The following CSMD1 variants were observed in gnomAD, a reference collection of about 807,000 sequenced individuals.
CSMD1 encodes the protein CUB and sushi domain-containing protein 1.
Under a neutral mutation model 417.5 loss-of-function variants are expected in CSMD1, and 213 were observed. That is an observed-to-expected ratio of 0.51 (90% CI 0.46 to 0.57). The LOEUF (loss-of-function observed/expected upper bound fraction) is 0.57. CSMD1 is among the 20% of genes least tolerant of loss of function. The pLI is 0.00. For synonymous variants in CSMD1, 2,862 were observed against 1,736.8 expected (o/e 1.65, Z -16.11); for missense variants, 6,923 against 4,529.7 (o/e 1.53, Z -15.17).
chr8:4,623,753 T>G (rs1246915528), intron 2 of CSMD1, among the ~76,000 whole-genome samples: 1 of 151,988 alleles, frequency 6.6e-6, no homozygotes, highest in Non-Finnish European at 1.5e-5. Context: ...ATATATATAT[T>G]TCATATAATT....
chr8:4,491,181 G>A (rs947222110), intron 2 of CSMD1, among the ~76,000 whole-genome samples: 1 of 151,912 alleles, frequency 6.6e-6, no homozygotes, highest in Admixed American at 6.6e-5. Context: ...ATCTGTACAT[G>A]TACTGCTGAA....
chr8:3,524,721 C>A (rs1235283343), intron 10 of CSMD1, among the ~76,000 whole-genome samples: 1 of 143,746 alleles, frequency 7.0e-6, no homozygotes, highest in Non-Finnish European at 1.5e-5. Flanking sequence ...CACATACATG[C>A]ACACACACAC....
chr8:3,575,109 T>C (rs1800096366), intron 9 of CSMD1, 43 bp from the exon 10 acceptor site: 1 of 1,602,634 alleles, frequency 6.2e-7, no homozygotes, highest in African/African-American at 1.3e-5. Flanking sequence ...CAACATTGTG[T>C]CAGTTTGGTA....
chr8:4,622,577 C>T (rs535328683), intron 2 of CSMD1, among the ~76,000 whole-genome samples: 24 of 152,070 alleles, frequency 1.6e-4, no homozygotes, highest in Admixed American at 8.5e-4. Context: ...CTGGCAAACG[C>T]GACATGTGTA....
intron 2 of CSMD1, among the ~76,000 whole-genome samples, chr8:4,545,816 C>T (rs1184885381): frequency 6.6e-6 from 1 of 152,242 alleles, no homozygotes; most frequent in Non-Finnish European, 1.5e-5. Context: ...ACTAGCTCAT[C>T]ATCTAGGCCA....
intron 2 of CSMD1, among the ~76,000 whole-genome samples, chr8:4,629,067 G>C (rs1027973486): frequency 6.6e-6 from 1 of 152,094 alleles, no homozygotes; most frequent in African/African-American, 2.4e-5. Context: ...GAGAGTTATT[G>C]ATAGTCTACA....
chr8:3,612,478 C>G (rs769376830), intron 8 of CSMD1, among the ~76,000 whole-genome samples: 2 of 152,120 alleles, frequency 1.3e-5, no homozygotes, highest in South Asian at 2.1e-4. Context: ...TTATGGAACA[C>G]TTCACCCAAC....
At chr8:3,339,235 G>A (rs578238678) in intron 23 of CSMD1, among the ~76,000 whole-genome samples, 16 of 152,074 alleles carry the variant, frequency 1.1e-4, no homozygotes, top group African/African-American at 3.9e-4. Context: ...CAGCCTTTCA[G>A]TGTTTCTTTG....
At chr8:4,132,870 T>C (rs552411606) in intron 3 of CSMD1, among the ~76,000 whole-genome samples, 1 of 152,330 alleles carries the variant, frequency 6.6e-6, no homozygotes, top group South Asian at 2.1e-4. Flanking sequence ...ATATGAAATT[T>C]ATTCTATTTC....
intron 26 of CSMD1, among the ~76,000 whole-genome samples, chr8:3,246,567 G>T (rs1457660222): frequency 1.3e-5 from 2 of 152,154 alleles, no homozygotes; most frequent in African/African-American, 2.4e-5. Flanking sequence ...CACCTCCCGT[G>T]TTCAAGGGAT....
chr8:4,562,387 C>T (rs961906318), intron 2 of CSMD1, among the ~76,000 whole-genome samples: 2 of 152,138 alleles, frequency 1.3e-5, no homozygotes, highest in African/African-American at 4.8e-5. Flanking sequence ...AGGCATGAAC[C>T]TAGCCCTCAA....
rs568310209 is a variant in CSMD1 at position 3,822,511 on chromosome 8, A to T, written c.819-68469T>A. 3.6e-4 allele frequency among the ~76,000 whole-genome samples: 55 copies of T among 152,352 alleles called. 2 individuals are homozygous for T. In the South Asian group the frequency reaches 0.011, roughly 31 times the overall value. On this transcript the variant is annotated intron_variant, in intron 5 of 69. Coordinates refer to ENST00000635120, the MANE Select transcript of CSMD1 (RefSeq NM_033225.6). ...GACAAGAGCTGCTAGGTACTCATGC[A>T]CAGCAAAGTTAATTAATGTCTTCCC... is the stretch of plus-strand genomic sequence containing the variant.
chr8:3,620,127 G>C (rs982789054), intron 7 of CSMD1, among the ~76,000 whole-genome samples: 10 of 151,956 alleles, frequency 6.6e-5, no homozygotes, highest in African/African-American at 2.4e-4. Context: ...GAAAAGAAAA[G>C]AAAAGCAATG....
intron 3 of CSMD1, among the ~76,000 whole-genome samples, chr8:4,301,093 C>A (rs143827446): frequency 2.0e-5 from 3 of 152,202 alleles, no homozygotes; most frequent in African/African-American, 4.8e-5. Context: ...CTAATGAGTT[C>A]CCATTGAAAC....
intron 3 of CSMD1, among the ~76,000 whole-genome samples, chr8:4,148,805 G>C (rs564012489): frequency 6.6e-6 from 1 of 152,270 alleles, no homozygotes; most frequent in East Asian, 1.9e-4. Flanking sequence ...ATTGGGAAGG[G>C]ATGTCATGAT....
chr8:3,316,987 G>A (rs955241145), intron 23 of CSMD1, among the ~76,000 whole-genome samples: 17 of 152,144 alleles, frequency 1.1e-4, no homozygotes, highest in Non-Finnish European at 2.5e-4. Flanking sequence ...AGGGGATGAG[G>A]CAAGAGTGTG....
chr8:4,522,987 C>A (rs753414806), intron 2 of CSMD1, among the ~76,000 whole-genome samples: 1 of 152,082 alleles, frequency 6.6e-6, no homozygotes. Context: ...TGTTCAAAGT[C>A]CCCCAAGTAC....
chr8:4,344,021 T>C (rs1033583265), intron 3 of CSMD1, among the ~76,000 whole-genome samples: 1 of 152,124 alleles, frequency 6.6e-6, no homozygotes, highest in African/African-American at 2.4e-5. Flanking sequence ...GGTTGTGAAA[T>C]TGTGAATGTA....
intron 7 of CSMD1, among the ~76,000 whole-genome samples, chr8:3,651,746 C>T (rs548949000): frequency 1.6e-4 from 25 of 151,924 alleles, no homozygotes; most frequent in Non-Finnish European, 2.8e-4. Flanking sequence ...TTACTATCAT[C>T]ACTATACTTA....
Sources: allele counts gnomAD v4.1 joint callset (sites outside exome capture counted in the v4.1 genomes callset), GRCh38; gene constraint gnomAD v4.1.1; transcripts MANE v1.5; gene names NCBI Gene and HGNC (gene_info 2026-07-23, HGNC 2026-07-21).